The following MMAA variants were observed in gnomAD, a reference collection of about 807,000 sequenced individuals.
The protein encoded by MMAA is methylmalonic aciduria type A protein, mitochondrial.
A neutral mutation model predicts 45.0 loss-of-function variants in MMAA; 41 were observed. The ratio of observed to expected loss-of-function variants is 0.91; its 90% CI spans 0.71 to 1.18. MMAA has a LOEUF of 1.18. MMAA is among the 50% of genes most tolerant of loss of function. MMAA has a pLI of 0.00. For synonymous variants in MMAA, 154 were observed against 178.2 expected (o/e 0.86, Z 1.08); for missense variants, 460 against 495.7 (o/e 0.93, Z 0.68).
chr4:145,622,685 A>C (rs1020750985), intron 1 of MMAA, among the ~76,000 whole-genome samples: 4 of 152,226 alleles, frequency 2.6e-5, no homozygotes, highest in African/African-American at 9.6e-5. Flanking sequence ...ATAGTGATTA[A>C]TGTAAACTAT....
intron 1 of MMAA, among the ~76,000 whole-genome samples, chr4:145,629,856 C>A (rs1734294084): frequency 6.6e-6 from 1 of 152,106 alleles, no homozygotes; most frequent in Non-Finnish European, 1.5e-5. Context: ...GACCCACCCC[C>A]ATAATTCAGT....
At position 145,655,571 on chromosome 4, in the gene MMAA, C is replaced by T; in HGVS notation, c.*137C>T. Reference sequence around the variant, plus strand: ...TTTGTTTGTGACCCATGCTTGAAAACTTGAAGGAAGTTAGATATGAATGGC... The same window carrying T: ...TTTGTTTGTGACCCATGCTTGAAAATTTGAAGGAAGTTAGATATGAATGGC... On this transcript the variant is annotated 3_prime_UTR_variant, in exon 7 of 7. Transcript: ENST00000649156. 1.1e-6 allele frequency: 1 copy of T among 881,436 alleles called. No individual in the cohort carries two copies. Among genetic ancestry groups the T allele is most frequent in the Non-Finnish European group, 1.7e-6 (1 of 594,652 alleles). 54.6% of individuals were successfully genotyped at this position (881,436 alleles called of 1,614,324 possible). A position where few individuals can be genotyped will look rare whatever the true frequency, so the allele number is the denominator to read the frequency against.
Position 145,638,145 on chromosome 4 carries a change from G to A in MMAA, c.-65-930G>A, listed in dbSNP as rs1479320368. ...AGCACTTTGGGAGGCCGAGGCGGGC[G>A]GCTCACGAGGTCAGGAGATCGAGAG... On this transcript the variant is annotated intron_variant, in intron 1 of 6. Coordinates refer to ENST00000649156, the MANE Select transcript of MMAA (RefSeq NM_172250.3). Among the ~76,000 whole-genome samples, 4 of 152,266 alleles carry A rather than the reference G, an allele frequency of 2.6e-5. No individual in the cohort carries two copies. In the East Asian group the frequency reaches 5.8e-4, roughly 22 times the overall value.
intron 6 of MMAA, among the ~76,000 whole-genome samples, chr4:145,654,703 C>T (rs577302580): frequency 6.6e-6 from 1 of 152,274 alleles, no homozygotes; most frequent in Admixed American, 6.5e-5. Context: ...CTCATATATA[C>T]ATGCAGATGT....
chr4:145,622,796 G>T (rs1284380659), intron 1 of MMAA, among the ~76,000 whole-genome samples: 3 of 152,008 alleles, frequency 2.0e-5, no homozygotes, highest in Non-Finnish European at 2.9e-5. Flanking sequence ...ATTGTTTTTT[G>T]CCCACCACCT....
intron 1 of MMAA, among the ~76,000 whole-genome samples, chr4:145,620,352 T>C (rs112526794): frequency 1.3e-5 from 2 of 152,304 alleles, no homozygotes; most frequent in African/African-American, 2.4e-5. Context: ...TATTTGAAGA[T>C]GTCAAAAGAA....
intron 1 of MMAA, among the ~76,000 whole-genome samples, chr4:145,630,726 C>G (rs1366989297): frequency 6.6e-6 from 1 of 151,418 alleles, no homozygotes; most frequent in East Asian, 1.9e-4. Context: ...AAAACTCCAT[C>G]TCAAAAAAAA....
Position 145,635,257 on chromosome 4 carries a change from C to G in MMAA, c.-65-3818C>G, listed in dbSNP as rs549412242. On this transcript the variant is annotated intron_variant, in intron 1 of 6. Transcript: ENST00000649156. ...GCTCAGGAAACTCAAGTTTCAAGCTCTGGGAACAGCCAGGCCTCTCTGGCT... is the reference window on the plus strand; with the variant it reads ...GCTCAGGAAACTCAAGTTTCAAGCTGTGGGAACAGCCAGGCCTCTCTGGCT... Among the ~76,000 whole-genome samples the G allele has an allele frequency of 2.0e-5, 3 of 152,150 alleles. No individual in the cohort carries two copies. In the South Asian group the frequency reaches 6.2e-4, roughly 32 times the overall value.
Position 145,653,992 on chromosome 4 carries a change from A to C in MMAA, c.820-2A>C. The C allele has an allele frequency of 6.2e-7, 1 of 1,614,036 alleles. No individual in the cohort carries two copies. The highest frequency in any genetic ancestry group is 8.5e-7 in the Non-Finnish European group (1 of 1,179,918). On this transcript the variant is annotated splice_acceptor_variant, in intron 5 of 6. Transcript: ENST00000649156. LOFTEE classifies it high-confidence loss of function. ...GTCATTAAATGTTTCTGATCTCTTT[A>C]GGGTATCAAAAGGGGTATAATCGAG...
chr4:145,640,289 T>G (rs1273252199), intron 2 of MMAA, among the ~76,000 whole-genome samples: 2 of 151,584 alleles, frequency 1.3e-5, no homozygotes, highest in East Asian at 2.0e-4. Context: ...ATTTTTGTAT[T>G]TTTAATAGAG....
intron 1 of MMAA, chr4:145,625,786 T>C: frequency 2.5e-6 from 3 of 1,195,412 alleles, no homozygotes; most frequent in Non-Finnish European, 3.8e-6. Flanking sequence ...TGTTGAATTG[T>C]CTCCTCTTTA....
intron 1 of MMAA, among the ~76,000 whole-genome samples, chr4:145,631,676 T>A (rs1727438379): frequency 6.6e-6 from 1 of 152,286 alleles, no homozygotes; most frequent in East Asian, 1.9e-4. Context: ...TAAACACTTA[T>A]TCTTGCCATT....
rs185788250 is a variant in MMAA at position 145,657,904 on chromosome 4, G to A, written c.*2470G>A. 33 of 152,346 alleles carry A rather than the reference G, an allele frequency of 2.2e-4. No individual in the cohort carries two copies. The highest frequency in any genetic ancestry group is 6.5e-4 in the African/African-American group (27 of 41,580). The allele number at this position is 152,346 out of a possible 1,614,324, so 9.4% of individuals were successfully genotyped here. ...ATGTTGAAATGTAATCCCCAATCTT[G>A]GAGGTGGAGCCTGGTGGGAGGTGTA... is the stretch of plus-strand genomic sequence containing the variant. On this transcript the variant is annotated 3_prime_UTR_variant, in exon 7 of 7. Coordinates refer to ENST00000649156, the MANE Select transcript of MMAA (RefSeq NM_172250.3).
chr4:145,625,048 G>C lies in MMAA; in HGVS notation c.-66+5641G>C, dbSNP rs1300939933. ...GGAACAAGAGCTCAAACTTCTCACCGGTTTCATGACTGCCATTCTCGGGCT... is the reference window on the plus strand; with the variant it reads ...GGAACAAGAGCTCAAACTTCTCACCCGTTTCATGACTGCCATTCTCGGGCT... On this transcript the variant is annotated intron_variant, in intron 1 of 6. Coordinates refer to ENST00000649156, the MANE Select transcript of MMAA (RefSeq NM_172250.3). 1.0e-5 allele frequency: 9 copies of C among 903,396 alleles called. No homozygotes were observed. In the Admixed American group the frequency reaches 1.4e-4, roughly 14 times the overall value. 56.0% of individuals were successfully genotyped at this position (903,396 alleles called of 1,614,324 possible).
intron 1 of MMAA, among the ~76,000 whole-genome samples, chr4:145,621,335 A>G (rs1364962550): frequency 6.6e-6 from 1 of 152,226 alleles, no homozygotes; most frequent in African/African-American, 2.4e-5. Flanking sequence ...ATTTAGAAAA[A>G]TAGAGACTTC....
chr4:145,622,351 G>A (rs759189369), intron 1 of MMAA, among the ~76,000 whole-genome samples: 1 of 152,138 alleles, frequency 6.6e-6, no homozygotes, highest in African/African-American at 2.4e-5. Flanking sequence ...CAGCCACATA[G>A]AACTGTAAGT....
At chr4:145,625,894 C>T (rs562623442) in intron 1 of MMAA, 66 of 1,550,644 alleles carry the variant, frequency 4.3e-5, no homozygotes, top group Middle Eastern at 3.4e-4. Context: ...TGAGCTTTGA[C>T]CTCTCGCAAG....
chr4:145,628,617 A>C (rs1037755058), intron 1 of MMAA, among the ~76,000 whole-genome samples: 1 of 152,204 alleles, frequency 6.6e-6, no homozygotes, highest in Admixed American at 6.5e-5. Context: ...ATCTAAGATA[A>C]TCTTTTTACC....
intron 4 of MMAA, among the ~76,000 whole-genome samples, chr4:145,647,794 A>G (rs1727971762): frequency 6.6e-6 from 1 of 152,186 alleles, no homozygotes; most frequent in Admixed American, 6.5e-5. Flanking sequence ...TCAAGGCGCT[A>G]TCTCCAGATA....
Sources: gnomAD v4.1 joint callset for allele counts (sites outside exome capture counted in the v4.1 genomes callset) on GRCh38, gnomAD v4.1.1 for gene constraint, MANE v1.5 for transcripts, NCBI Gene and HGNC (gene_info 2026-07-23, HGNC 2026-07-21) for gene names.